VIPAS39: variants seen among roughly 807,000 people sequenced by gnomAD.
VIPAS39 encodes spermatogenesis-defective protein 39 homolog.
A neutral mutation model predicts 84.7 loss-of-function variants in VIPAS39; 63 were observed. The observed-to-expected ratio is 0.74, with a 90% confidence interval of 0.61 to 0.92. The LOEUF (loss-of-function observed/expected upper bound fraction) is 0.92. Among genes scored for constraint, VIPAS39 ranks in the 40% least tolerant of loss-of-function variants. The pLI, the probability that VIPAS39 is intolerant of heterozygous loss-of-function variation, is 0.00. For missense variants in VIPAS39, 499 were observed against 604.5 expected, an observed-to-expected ratio of 0.83 and a Z score of 1.83; for synonymous variants, 192 against 216.5, an observed-to-expected ratio of 0.89 and a Z score of 0.99.
At chr14:77,450,195 C>A (rs2078860380) in intron 4 of VIPAS39, among the ~76,000 whole-genome samples, 1 of 152,200 alleles carries the variant, frequency 6.6e-6, no homozygotes, top group Admixed American at 6.5e-5. Flanking sequence ...TCTGACTATT[C>A]TAGGTCATAC....
At position 77,429,023 on chromosome 14, in the gene VIPAS39, G is replaced by T; in HGVS notation, c.1339C>A (p.His447Asn). ...KLNLATKFKC[H>N]DVVIDTYRDL... ...GGACTCACATCAATGACGACATCAT[G>T]GCACTTGAACTTAGTGGCTAAGTTC... Residue 447 changes from histidine to asparagine, a missense_variant, in exon 18 of 20, where the codon CAT becomes AAT. Physicochemically the swap from His to Asn is moderately conservative, Grantham distance 68 (BLOSUM62 1). Coordinates refer to ENST00000557658, the MANE Select transcript of VIPAS39 (RefSeq NM_001193315.2). The T allele has an allele frequency of 6.2e-7, 1 of 1,613,874 alleles. No homozygotes were observed. Among genetic ancestry groups the T allele is most frequent in the South Asian group, 1.1e-5 (1 of 91,064 alleles).
At chr14:77,431,041 A>C (rs765926186) in intron 16 of VIPAS39, among the ~76,000 whole-genome samples, 16 of 152,296 alleles carry the variant, frequency 1.1e-4, no homozygotes, top group South Asian at 1.0e-3. Flanking sequence ...ATCAACTCAA[A>C]ATGGATAATA....
At chr14:77,446,824 C>G (rs1457110811) in intron 7 of VIPAS39, among the ~76,000 whole-genome samples, 1 of 151,688 alleles carries the variant, frequency 6.6e-6, no homozygotes, top group African/African-American at 2.4e-5. Flanking sequence ...TTATTTTTTT[C>G]TTCTTGAGAC....
intron 1 of VIPAS39, chr14:77,457,128 A>G (rs1427959525): frequency 7.1e-7 from 1 of 1,416,914 alleles, no homozygotes; most frequent in Non-Finnish European, 9.2e-7. Context: ...TTATCTTCCG[A>G]GCCAGGAAGA....
chr14:77,428,006 T>C lies in VIPAS39; in HGVS notation c.1461+364A>G, dbSNP rs17751122. Among the ~76,000 whole-genome samples, 1,368 of 152,300 alleles carry C rather than the reference T, an allele frequency of 9.0e-3. 19 individuals carry two copies. Among genetic ancestry groups the C allele is most frequent in the South Asian group, 0.037 (179 of 4,826 alleles). Reference sequence around the variant, plus strand: ...GCTAACATCTATTTCACCCACTTCTTATTTTCAACTGGTAGGTCCCATCCA... The same window carrying C: ...GCTAACATCTATTTCACCCACTTCTCATTTTCAACTGGTAGGTCCCATCCA... On this transcript the variant is annotated intron_variant, in intron 19 of 19. Transcript: ENST00000557658.
At position 77,447,967 on chromosome 14, in the gene VIPAS39, T is replaced by C. The variant is rs191037019; in HGVS notation, c.504+527A>G. On this transcript the variant is annotated intron_variant, in intron 7 of 19. Transcript: ENST00000557658. Reference sequence around the variant, plus strand: ...GTGAGCCACCATGCCCGGCTTCTCTTTTTTTTTTTTGAGACGGAGTCTCAC... The same window carrying C: ...GTGAGCCACCATGCCCGGCTTCTCTCTTTTTTTTTTGAGACGGAGTCTCAC... 7.5e-3 allele frequency among the ~76,000 whole-genome samples: 1,042 copies of C among 138,606 alleles called. 19 individuals are homozygous for C. Among genetic ancestry groups the C allele is most frequent in the Middle Eastern group, 0.048 (10 of 210 alleles). The allele number at this position is 138,606 out of a possible 152,430, so 90.9% of individuals were successfully genotyped here. A position where few individuals can be genotyped will look rare whatever the true frequency, so the allele number is the denominator to read the frequency against.
chr14:77,446,268 T>C (rs1346635271), intron 7 of VIPAS39, among the ~76,000 whole-genome samples: 1 of 152,164 alleles, frequency 6.6e-6, no homozygotes, highest in East Asian at 1.9e-4. Context: ...CATTTTTTCA[T>C]TCCCAATCCT....
intron 1 of VIPAS39, 90 bp from the exon 2 acceptor site, chr14:77,454,192 C>T: frequency 1.7e-6 from 2 of 1,189,006 alleles, no homozygotes; most frequent in Non-Finnish European, 2.5e-6. Context: ...ACTAACTGAT[C>T]CCAAAAATCA....
chr14:77,441,513 T>C (rs1340810039), intron 10 of VIPAS39, among the ~76,000 whole-genome samples: 2 of 152,230 alleles, frequency 1.3e-5, no homozygotes, highest in African/African-American at 4.8e-5. Context: ...CCAGGACTTT[T>C]GTCTTCTGAT....
In VIPAS39 at chr14:77,427,333, T is replaced by C. The variant is rs1415392683; in HGVS notation, c.*283A>G. 2 of 510,544 alleles carry C rather than the reference T, an allele frequency of 3.9e-6. No individual in the cohort carries two copies. Among genetic ancestry groups the C allele is most frequent in the Non-Finnish European group, 3.5e-6 (1 of 282,098 alleles). The allele number at this position is 510,544 out of a possible 1,614,324, so 31.6% of individuals were successfully genotyped here. The stretch of plus-strand genomic sequence containing the variant: ...GTCACTTTTCTCAGACCAAGTGAGA[T>C]CTTACCCAGTAGGGGCCCAATCTAG... On this transcript the variant is annotated 3_prime_UTR_variant, in exon 20 of 20. Transcript: ENST00000557658.
chr14:77,443,933 C>T (rs1257367723), intron 8 of VIPAS39, among the ~76,000 whole-genome samples: 2 of 150,270 alleles, frequency 1.3e-5, no homozygotes, highest in Non-Finnish European at 3.0e-5. Context: ...CCCAGCTACT[C>T]GGGGACCTGA....
At chr14:77,432,297 G>A (rs2078536122) in intron 16 of VIPAS39, among the ~76,000 whole-genome samples, 1 of 152,034 alleles carries the variant, frequency 6.6e-6, no homozygotes, top group Non-Finnish European at 1.5e-5. Context: ...AGAGAAAAGG[G>A]ACCCTGGTAC....
chr14:77,453,261 C>T (rs907396976), intron 3 of VIPAS39, 38 bp downstream of exon 3: 3 of 1,595,532 alleles, frequency 1.9e-6, no homozygotes, highest in Non-Finnish European at 2.6e-6. Flanking sequence ...GATAAGAATC[C>T]TCAACATCTA....
At chr14:77,432,049 A>C (rs1372595453) in intron 16 of VIPAS39, among the ~76,000 whole-genome samples, 1 of 152,174 alleles carries the variant, frequency 6.6e-6, no homozygotes, top group Non-Finnish European at 1.5e-5. Flanking sequence ...CAAGATGAGG[A>C]CTGTAGTTAA....
At chr14:77,429,542 T>A in intron 17 of VIPAS39, 139 bp downstream of exon 17, 1 of 888,860 alleles carries the variant, frequency 1.1e-6, no homozygotes, top group Non-Finnish European at 1.9e-6. Flanking sequence ...GCCTTTTCTG[T>A]CTTGAGGCCT....
Position 77,435,365 on chromosome 14 carries a change from C to T in VIPAS39, c.941G>A (p.Gly314Glu). 6.2e-7 allele frequency: 1 copy of T among 1,609,610 alleles called. No individual in the cohort carries two copies. The highest frequency in any genetic ancestry group is 2.3e-5 in the East Asian group (1 of 44,410). Reference protein sequence around the residue: ...EANDRHLESAGQTEIFRKHPR... With the variant: ...EANDRHLESAEQTEIFRKHPR... Reference sequence around the variant, plus strand: ...GTGCTTTCGGAAGATCTCAGTCTGTCCTGCTGATTCTAGATGGCGATCATT... The same window carrying T: ...GTGCTTTCGGAAGATCTCAGTCTGTTCTGCTGATTCTAGATGGCGATCATT... Residue 314 changes from glycine (G) to glutamate (E), a missense_variant, in exon 14 of 20, where the codon GGA (glycine) becomes GAA (glutamate). Gly to Glu is a moderately conservative substitution (Grantham distance 98). Coordinates refer to ENST00000557658, the MANE Select transcript of VIPAS39 (RefSeq NM_001193315.2).
At position 77,427,085 on chromosome 14, in the gene VIPAS39, G is replaced by A. The variant is rs78980929; in HGVS notation, c.*531C>T. 6.2e-3 allele frequency: 989 copies of A among 159,500 alleles called. 11 individuals carry two copies. The highest frequency in any genetic ancestry group is 0.023 in the African/African-American group (937 of 41,644). 9.9% of individuals were successfully genotyped at this position (159,500 alleles called of 1,614,324 possible). A position where few individuals can be genotyped will look rare whatever the true frequency, so the allele number is the denominator to read the frequency against. The stretch of plus-strand genomic sequence containing the variant: ...ATGGCTGAGGAAACACAACGTCTAG[G>A]CCATGTGTGGCATAATGTGGAGGGG... On this transcript the variant is annotated 3_prime_UTR_variant, in exon 20 of 20. Coordinates refer to ENST00000557658, the MANE Select transcript of VIPAS39 (RefSeq NM_001193315.2).
intron 12 of VIPAS39, among the ~76,000 whole-genome samples, chr14:77,436,807 G>C (rs2078619618): frequency 6.6e-6 from 1 of 152,084 alleles, no homozygotes; most frequent in South Asian, 2.1e-4. Flanking sequence ...GTGGTCAATG[G>C]GGAAGGCCAA....
intron 5 of VIPAS39, 104 bp from the exon 6 acceptor site, chr14:77,449,461 C>A: frequency 6.9e-7 from 1 of 1,445,060 alleles, no homozygotes; most frequent in Non-Finnish European, 9.7e-7. Flanking sequence ...TGTGGGCTCC[C>A]AATGTTAACT....
Sources: gnomAD v4.1 joint callset for allele counts (sites outside exome capture counted in the v4.1 genomes callset) on GRCh38, gnomAD v4.1.1 for gene constraint, MANE v1.5 for transcripts, NCBI Gene and HGNC (gene_info 2026-07-23, HGNC 2026-07-21) for gene names.